Variants in RALGAPA1 observed in about 807,000 individuals in gnomAD.
RALGAPA1 encodes ral GTPase-activating protein subunit alpha-1.
A neutral mutation model predicts 269.6 loss-of-function variants in RALGAPA1; 52 were observed. The observed-to-expected ratio is 0.19, with a 90% CI of 0.15 to 0.24. RALGAPA1 has a LOEUF of 0.24. Ranked by LOEUF, RALGAPA1 falls within the 10% of genes least tolerant of loss-of-function variation. The pLI is 1.00. For missense variants in RALGAPA1, 1,917 were observed against 3,013.9 expected, an observed-to-expected ratio of 0.64 and a Z score of 8.52; for synonymous variants, 817 against 1,008.3, an observed-to-expected ratio of 0.81 and a Z score of 3.60.
intron 33 of RALGAPA1, among the ~76,000 whole-genome samples, chr14:35,632,210 T>G (rs895777378): frequency 1.1e-4 from 16 of 152,168 alleles, no homozygotes; most frequent in Admixed American, 5.9e-4. Flanking sequence ...AACATACATA[T>G]CTCTCTTCTA....
chr14:35,563,860 G>A (rs576666319), intron 39 of RALGAPA1, among the ~76,000 whole-genome samples: 1 of 152,190 alleles, frequency 6.6e-6, no homozygotes, highest in Non-Finnish European at 1.5e-5. Flanking sequence ...CGCCCAGGCT[G>A]GAGTGCAATG....
In RALGAPA1 at chr14:35,689,368, C is replaced by T. The variant is rs1455461049; in HGVS notation, c.3043G>A (p.Val1015Ile). 8.1e-7 allele frequency: 1 copy of T among 1,232,106 alleles called. No individual in the cohort carries two copies. Among genetic ancestry groups the T allele is most frequent in the Admixed American group, 4.2e-5 (1 of 23,690 alleles). The allele number at this position is 1,232,106 out of a possible 1,614,324, so 76.3% of individuals were successfully genotyped here. A position where few individuals can be genotyped will look rare whatever the true frequency, so the allele number is the denominator to read the frequency against. The stretch of plus-strand genomic sequence containing the variant: ...TTAGGTGCGATATTACTCATGAAGA[C>T]AGCTGAGTTTGGTTCTTTCTGAAAC... The part of the protein sequence containing the change: ...LQFQKEPNSA[V>I]FMSNIAPNQS... The change falls in exon 18 of 42, where the codon GTC (valine) becomes ATC (isoleucine). Residue 1015 changes from valine (V) to isoleucine (I), a missense_variant. Val to Ile is a conservative substitution (Grantham distance 29, BLOSUM62 3). Coordinates refer to ENST00000680220, the MANE Select transcript of RALGAPA1 (RefSeq NM_001346249.2).
At chr14:35,586,905 A>G (rs1385357292) in intron 37 of RALGAPA1, among the ~76,000 whole-genome samples, 1 of 152,102 alleles carries the variant, frequency 6.6e-6, no homozygotes, top group Non-Finnish European at 1.5e-5. Flanking sequence ...TATCAGGGAT[A>G]TTGGTCTAAA....
chr14:35,584,822 A>G (rs1298484331), intron 37 of RALGAPA1, among the ~76,000 whole-genome samples: 1 of 152,182 alleles, frequency 6.6e-6, no homozygotes, highest in Non-Finnish European at 1.5e-5. Context: ...AATAGAAAAC[A>G]GTAAAGAATA....
In RALGAPA1 at chr14:35,681,064, A is replaced by G. The variant is rs139973184; in HGVS notation, c.4471+2745T>C. Among the ~76,000 whole-genome samples the G allele has an allele frequency of 7.5e-3, 1,147 of 152,174 alleles. 17 individuals are homozygous for G. Among genetic ancestry groups the G allele is most frequent in the African/African-American group, 0.026 (1,089 of 41,506 alleles). ...TTTTCATTCTTGTTTCCTATACTAG[A>G]TTTCTTTCGTAGTTTCTGAAAACTT... On this transcript the variant is annotated intron_variant, in intron 21 of 41. Coordinates refer to ENST00000680220, the MANE Select transcript of RALGAPA1 (RefSeq NM_001346249.2).
intron 38 of RALGAPA1, among the ~76,000 whole-genome samples, chr14:35,571,586 A>T (rs1005609524): frequency 6.6e-6 from 1 of 152,052 alleles, no homozygotes; most frequent in African/African-American, 2.4e-5. Flanking sequence ...GAGACAGGGA[A>T]TTGCTTGAAC....
chr14:35,623,398 A>C (rs977298634), intron 35 of RALGAPA1, among the ~76,000 whole-genome samples: 5 of 152,122 alleles, frequency 3.3e-5, no homozygotes, highest in African/African-American at 1.2e-4. Flanking sequence ...AATTAAGAAA[A>C]ATTCCTAAAT....
intron 35 of RALGAPA1, among the ~76,000 whole-genome samples, chr14:35,611,776 A>G (rs1426052293): frequency 6.6e-6 from 1 of 152,090 alleles, no homozygotes; most frequent in Non-Finnish European, 1.5e-5. Context: ...AACCCTCTGA[A>G]ATTGACTAGC....
At chr14:35,773,966 T>C (rs973073524) in intron 3 of RALGAPA1, among the ~76,000 whole-genome samples, 5 of 152,080 alleles carry the variant, frequency 3.3e-5, no homozygotes, top group Admixed American at 2.6e-4. Context: ...TGCCCAAGAG[T>C]GCAGTGGCAC....
chr14:35,714,610 C>T (rs1461293051), intron 16 of RALGAPA1, among the ~76,000 whole-genome samples: 1 of 152,166 alleles, frequency 6.6e-6, no homozygotes, highest in Non-Finnish European at 1.5e-5. Context: ...GTTATGAATG[C>T]CCTGTATTTA....
intron 11 of RALGAPA1, among the ~76,000 whole-genome samples, chr14:35,741,729 T>C (rs2071572700): frequency 6.6e-6 from 1 of 152,240 alleles, no homozygotes; most frequent in Admixed American, 6.5e-5. Flanking sequence ...TCTTAGCATC[T>C]GCTGTTGGAG....
At chr14:35,806,502 G>A (rs766820429) in intron 1 of RALGAPA1, among the ~76,000 whole-genome samples, 6 of 152,098 alleles carry the variant, frequency 3.9e-5, no homozygotes, top group Non-Finnish European at 5.9e-5. Context: ...TCAGAGTCAA[G>A]TTCTATAAAT....
At chr14:35,553,056 C>T (rs1033041427) in intron 39 of RALGAPA1, among the ~76,000 whole-genome samples, 1 of 152,134 alleles carries the variant, frequency 6.6e-6, no homozygotes, top group African/African-American at 2.4e-5. Flanking sequence ...AATGGGGATA[C>T]ATCTGTAAGT....
At chr14:35,670,392 C>A (rs2064303998) in intron 26 of RALGAPA1, among the ~76,000 whole-genome samples, 1 of 152,156 alleles carries the variant, frequency 6.6e-6, no homozygotes, top group East Asian at 1.9e-4. Flanking sequence ...TTTTCATTTA[C>A]ACTTTGCTCC....
intron 27 of RALGAPA1, 26 bp from the exon 28 acceptor site, chr14:35,659,222 G>A (rs201025819): frequency 9.6e-5 from 149 of 1,552,322 alleles, no homozygotes; most frequent in Admixed American, 8.8e-5. Flanking sequence ...AATAGTTAAC[G>A]GCAATGACTG....
chr14:35,804,263 A>AAAAC (rs34164845), intron 1 of RALGAPA1, among the ~76,000 whole-genome samples: 51,797 of 150,516 alleles, frequency 0.34, 12,274 homozygotes, highest in African/African-American at 0.67. Context: ...CTCCATCTCA[A>AAAAC]AAACAAACAA....
chr14:35,805,239 C>T lies in RALGAPA1; in HGVS notation c.106+3491G>A, dbSNP rs1719318388. Among the ~76,000 whole-genome samples the T allele has an allele frequency of 2.0e-5, 3 of 146,730 alleles. No individual in the cohort carries two copies. In the Admixed American group the frequency reaches 2.1e-4, roughly 10 times the overall value. Reference sequence around the variant, plus strand: ...AGGAGTTCGAAACCAGCCTGGGCAACACAGTGAAACCCTGTCTCTACTAAA... The same window carrying T: ...AGGAGTTCGAAACCAGCCTGGGCAATACAGTGAAACCCTGTCTCTACTAAA... On this transcript the variant is annotated intron_variant, in intron 1 of 41. Transcript: ENST00000680220.
intron 21 of RALGAPA1, among the ~76,000 whole-genome samples, chr14:35,683,182 G>C (rs2140369285): frequency 6.6e-6 from 1 of 152,224 alleles, no homozygotes; most frequent in South Asian, 2.1e-4. Context: ...AGCTGCTCAG[G>C]CTCATTCTAA....
At chr14:35,623,374 C>T (rs964446514) in intron 35 of RALGAPA1, among the ~76,000 whole-genome samples, 5 of 151,780 alleles carry the variant, frequency 3.3e-5, no homozygotes, top group African/African-American at 4.8e-5. Context: ...CACACACACA[C>T]GGAGAGTTCT....
Sources: allele counts gnomAD v4.1 joint callset (sites outside exome capture counted in the v4.1 genomes callset), GRCh38; gene constraint gnomAD v4.1.1; transcripts MANE v1.5; gene names NCBI Gene and HGNC (gene_info 2026-07-23, HGNC 2026-07-21).